GRM3: variants seen among roughly 807,000 people sequenced by gnomAD.
GRM3 encodes the protein metabotropic glutamate receptor 3.
In GRM3, 26 loss-of-function variants were observed where a neutral mutation model predicts 70.5. The ratio of observed to expected loss-of-function variants is 0.37; its 90% CI spans 0.27 to 0.51. The LOEUF (loss-of-function observed/expected upper bound fraction) is 0.51. Among genes scored for constraint, GRM3 ranks in the 20% least tolerant of loss-of-function variants. The pLI, the probability that GRM3 is intolerant of heterozygous loss-of-function variation, is 0.93. For missense variants in GRM3, 859 were observed against 1,123.8 expected, an observed-to-expected ratio of 0.76 and a Z score of 3.37; for synonymous variants, 443 against 434.9, an observed-to-expected ratio of 1.02 and a Z score of -0.23.
intron 1 of GRM3, among the ~76,000 whole-genome samples, chr7:86,763,449 G>C (rs994509952): frequency 6.6e-6 from 1 of 152,104 alleles, no homozygotes; most frequent in Non-Finnish European, 1.5e-5. Context: ...AGAAAGCTGA[G>C]TGTCAAAGAA....
chr7:86,707,099 C>T (rs115930265), intron 1 of GRM3, among the ~76,000 whole-genome samples: 2,053 of 151,920 alleles, frequency 0.014, 38 homozygotes, highest in African/African-American at 0.047. Context: ...TTTATAAACA[C>T]ACTTGTTTGG....
chr7:86,651,964 C>T (rs746004411), intron 1 of GRM3, among the ~76,000 whole-genome samples: 4 of 152,164 alleles, frequency 2.6e-5, no homozygotes, highest in Non-Finnish European at 5.9e-5. Flanking sequence ...AACGTACTAA[C>T]CCTCCAACAC....
rs750439856 is a variant in GRM3 at position 86,786,509 on chromosome 7, C to T, written c.717C>T (p.Ile239=). ...AGCAGGAAGCCCGCCTGCGCAACAT[C>T]TGCATCGCTACGGCGGAGAAGGTGG... ...AFEQEARLRN[I]CIATAEKVGR... The change falls in exon 3 of 6, where the codon ATC becomes ATT. Residue 239 remains isoleucine (I), a synonymous_variant. Transcript: ENST00000361669. This position sits in a 1 kb window ranked among gnomAD's most constrained non-coding sequence, Gnocchi z 6.0. 3 of 1,614,232 alleles carry T rather than the reference C, an allele frequency of 1.9e-6. No individual in the cohort carries two copies. Among genetic ancestry groups the T allele is most frequent in the East Asian group, 4.5e-5 (2 of 44,886 alleles).
intron 3 of GRM3, among the ~76,000 whole-genome samples, chr7:86,828,685 T>A (rs1371195286): frequency 6.6e-6 from 1 of 152,214 alleles, no homozygotes; most frequent in African/African-American, 2.4e-5. Context: ...TGCCTCAGTG[T>A]TGATGGCTGC....
chr7:86,788,972 G>A (rs1202970584), intron 3 of GRM3, among the ~76,000 whole-genome samples: 1 of 152,176 alleles, frequency 6.6e-6, no homozygotes, highest in Non-Finnish European at 1.5e-5. Context: ...ACCAAAACAT[G>A]TTCCTTCATT....
intron 3 of GRM3, among the ~76,000 whole-genome samples, chr7:86,803,116 AAG>A (rs1797718327): frequency 6.6e-6 from 1 of 152,240 alleles, no homozygotes; most frequent in South Asian, 2.1e-4. Context: ...GTAGAAAACA[AAG>A]AGAATTTATC....
chr7:86,690,133 G>A (rs1584167687), intron 1 of GRM3, among the ~76,000 whole-genome samples: 1 of 152,234 alleles, frequency 6.6e-6, no homozygotes, highest in East Asian at 1.9e-4. Flanking sequence ...GGGTCCTAGG[G>A]GCCTTCACTT....
At chr7:86,804,982 A>C (rs1797758919) in intron 3 of GRM3, among the ~76,000 whole-genome samples, 1 of 152,044 alleles carries the variant, frequency 6.6e-6, no homozygotes, top group Non-Finnish European at 1.5e-5. Context: ...GGCATGGTGG[A>C]GCATGCCTGT....
chr7:86,743,992 G>T (rs537526445), intron 1 of GRM3, among the ~76,000 whole-genome samples: 1 of 152,204 alleles, frequency 6.6e-6, no homozygotes, highest in South Asian at 2.1e-4. Flanking sequence ...ACATTCTGGG[G>T]TAGGTATTAT....
chr7:86,809,992 C>A (rs2116652376), intron 3 of GRM3, among the ~76,000 whole-genome samples: 1 of 152,080 alleles, frequency 6.6e-6, no homozygotes, highest in African/African-American at 2.4e-5. Flanking sequence ...CAAGGAAGAC[C>A]TCATGACAAG....
At chr7:86,715,468 T>C (rs991742193) in intron 1 of GRM3, among the ~76,000 whole-genome samples, 4 of 152,142 alleles carry the variant, frequency 2.6e-5, no homozygotes, top group Non-Finnish European at 4.4e-5. Context: ...AAGGAAGGTG[T>C]CTTGCATTAT....
At chr7:86,833,852 G>A (rs1798405252) in intron 3 of GRM3, among the ~76,000 whole-genome samples, 2 of 152,100 alleles carry the variant, frequency 1.3e-5, no homozygotes, top group Admixed American at 6.5e-5. Flanking sequence ...TGTAATGTAT[G>A]CATTTGAAGT....
chr7:86,852,816 C>T (rs2115574683), intron 5 of GRM3, among the ~76,000 whole-genome samples: 1 of 152,092 alleles, frequency 6.6e-6, no homozygotes, highest in South Asian at 2.1e-4. Context: ...CTCATTTTAT[C>T]CTCATGAGTA....
intron 3 of GRM3, among the ~76,000 whole-genome samples, chr7:86,789,084 A>G (rs1584245322): frequency 6.6e-6 from 1 of 152,334 alleles, no homozygotes; most frequent in East Asian, 1.9e-4. Context: ...TGTCTTGTTC[A>G]ATTACTCTTT....
intron 3 of GRM3, among the ~76,000 whole-genome samples, chr7:86,788,173 C>G (rs1797316159): frequency 1.3e-5 from 2 of 152,184 alleles, no homozygotes; most frequent in South Asian, 4.1e-4. Context: ...AAGTATCATC[C>G]AAGACCTGAA....
chr7:86,849,727 A>G (rs1333444323), intron 4 of GRM3, among the ~76,000 whole-genome samples: 1 of 152,204 alleles, frequency 6.6e-6, no homozygotes, highest in African/African-American at 2.4e-5. Context: ...ATTACCTGTC[A>G]AGAATGGGTG....
At chr7:86,717,069 T>C (rs1188400035) in intron 1 of GRM3, among the ~76,000 whole-genome samples, 1 of 151,890 alleles carries the variant, frequency 6.6e-6, no homozygotes, top group Non-Finnish European at 1.5e-5. Flanking sequence ...GAGATAATAA[T>C]GAAGATTGAG....
At chr7:86,653,017 A>G (rs1793644891) in intron 1 of GRM3, among the ~76,000 whole-genome samples, 1 of 152,176 alleles carries the variant, frequency 6.6e-6, no homozygotes, top group South Asian at 2.1e-4. Flanking sequence ...ATGAAATACC[A>G]TAGACCAGGT....
intron 1 of GRM3, among the ~76,000 whole-genome samples, chr7:86,686,003 C>A (rs1032013916): frequency 1.3e-5 from 2 of 151,504 alleles, no homozygotes; most frequent in African/African-American, 2.4e-5. Context: ...CCGTATCTGG[C>A]AAATAATGAA....
Sources: allele counts gnomAD v4.1 joint callset (sites outside exome capture counted in the v4.1 genomes callset), GRCh38; gene constraint gnomAD v4.1.1; non-coding constraint Gnocchi (gnomAD v3.1); transcripts MANE v1.5; gene names NCBI Gene and HGNC (gene_info 2026-07-23, HGNC 2026-07-21).